SIM1: variants seen among roughly 807,000 people sequenced by gnomAD.
SIM1 encodes the protein SIM bHLH transcription factor 1, also known as single-minded homolog 1.
Under a neutral mutation model 78.2 loss-of-function variants are expected in SIM1, and 18 were observed. The ratio of observed to expected loss-of-function variants is 0.23; its 90% CI spans 0.16 to 0.34. SIM1 has a LOEUF of 0.34. SIM1 is among the 10% of genes least tolerant of loss of function. The pLI, the probability that SIM1 is intolerant of heterozygous loss-of-function variation, is 1.00. For synonymous variants in SIM1, 417 were observed against 385.2 expected (o/e 1.08, Z -0.97); for missense variants, 939 against 975.1 (o/e 0.96, Z 0.49).
chr6:100,398,967 A>ATGT (rs1439327171), intron 10 of SIM1, among the ~76,000 whole-genome samples: 1,570 of 142,552 alleles, frequency 0.011, 31 homozygotes, highest in African/African-American at 0.041. Context: ...GTGTATGTGT[A>ATGT]GTAGTAGTAG....
chr6:100,432,726 T>C (rs1771935254), intron 9 of SIM1, among the ~76,000 whole-genome samples: 1 of 152,170 alleles, frequency 6.6e-6, no homozygotes, highest in South Asian at 2.1e-4. Flanking sequence ...GGGGATCTCA[T>C]CCACTCTGCT....
chr6:100,428,417 G>T (rs1318409884), intron 9 of SIM1, among the ~76,000 whole-genome samples: 1 of 152,154 alleles, frequency 6.6e-6, no homozygotes, highest in African/African-American at 2.4e-5. Flanking sequence ...TGCACAAATT[G>T]CTGAGAAACA....
At chr6:100,443,574 G>A (rs1772271052) in intron 9 of SIM1, among the ~76,000 whole-genome samples, 1 of 152,038 alleles carries the variant, frequency 6.6e-6, no homozygotes, top group Non-Finnish European at 1.5e-5. Context: ...CAGCCTAATT[G>A]AGATCATACA....
chr6:100,452,847 C>T (rs1019535398), intron 3 of SIM1, among the ~76,000 whole-genome samples: 1 of 152,140 alleles, frequency 6.6e-6, no homozygotes, highest in African/African-American at 2.4e-5. Context: ...AAACTAAAAT[C>T]TTCTTGGTGT....
intron 2 of SIM1, among the ~76,000 whole-genome samples, chr6:100,457,151 G>A (rs140214304): frequency 6.6e-6 from 1 of 152,172 alleles, no homozygotes; most frequent in Non-Finnish European, 1.5e-5. Context: ...TTACAGACCC[G>A]ACATCATCAC....
chr6:100,419,859 C>T (rs1328656480), intron 10 of SIM1, among the ~76,000 whole-genome samples: 1 of 152,118 alleles, frequency 6.6e-6, no homozygotes, highest in Non-Finnish European at 1.5e-5. Flanking sequence ...CCAGGCTGGT[C>T]TTGAACTCCT....
intron 10 of SIM1, among the ~76,000 whole-genome samples, chr6:100,397,970 G>A (rs949549744): frequency 6.6e-6 from 1 of 151,990 alleles, no homozygotes; most frequent in East Asian, 1.9e-4. Flanking sequence ...GAAATATCAC[G>A]ATACACCTAT....
At position 100,390,390 on chromosome 6, in the gene SIM1, T is replaced by A; in HGVS notation, c.2272A>T (p.Thr758Ser). The A allele has an allele frequency of 1.2e-6, 2 of 1,613,876 alleles. No homozygotes were observed. Among genetic ancestry groups the A allele is most frequent in the Non-Finnish European group, 1.7e-6 (2 of 1,179,916 alleles). ...CTTCCGTTGGTTATTATAACAGATG[T>A]TCCCTTGTGTCCTTGTGCTGGGTCT... is the stretch of plus-strand genomic sequence containing the variant. ...QPDPAQGHKG[T>S]SVIITNGS The change falls in exon 12 of 12, where the codon ACA becomes TCA. Residue 758 changes from threonine to serine, a missense_variant. Transcript: ENST00000369208.
rs1554220854 is a variant in SIM1, at chr6:100,412,619, A to AG, written c.1167+8170dup. Among the ~76,000 whole-genome samples the AG allele has an allele frequency of 6.8e-4, 71 of 103,706 alleles. 3 individuals are homozygous for AG. The highest frequency in any genetic ancestry group is 1.6e-3 in the African/African-American group (48 of 29,390). 68.0% of individuals were successfully genotyped at this position (103,706 alleles called of 152,430 possible). A position where few individuals can be genotyped will look rare whatever the true frequency, so the allele number is the denominator to read the frequency against. On this transcript the variant is annotated intron_variant, in intron 10 of 11. Transcript: ENST00000369208. The stretch of plus-strand genomic sequence containing the variant: ...AGAAAGAAAGAAAGAAAGGAAAGAA[A>AG]GAAGGAAAGAAAGAAAGAAAAGAAA...
At chr6:100,402,108 A>T (rs912086776) in intron 10 of SIM1, among the ~76,000 whole-genome samples, 7 of 152,222 alleles carry the variant, frequency 4.6e-5, no homozygotes, top group African/African-American at 1.7e-4. Flanking sequence ...AGCACTAAAA[A>T]ATACAAATGG....
intron 2 of SIM1, among the ~76,000 whole-genome samples, chr6:100,454,816 G>A (rs1320784507): frequency 6.6e-6 from 1 of 151,996 alleles, no homozygotes; most frequent in Non-Finnish European, 1.5e-5. Context: ...ACCCTTTTGC[G>A]GAAAGAAAAA....
intron 9 of SIM1, among the ~76,000 whole-genome samples, chr6:100,439,584 T>C (rs969477010): frequency 6.6e-6 from 1 of 152,180 alleles, no homozygotes; most frequent in Non-Finnish European, 1.5e-5. Context: ...TGTGAAACAC[T>C]GGTATACAGC....
chr6:100,407,280 T>C (rs1460271371), intron 10 of SIM1, among the ~76,000 whole-genome samples: 1 of 152,178 alleles, frequency 6.6e-6, no homozygotes, highest in Non-Finnish European at 1.5e-5. Context: ...TTTACTTTGT[T>C]GCAAATGGCA....
rs1309023514 is a variant in SIM1 at position 100,453,765 on chromosome 6, G to A, written c.255C>T (p.Leu85=). The change falls in exon 3 of 12, where the codon CTC becomes CTT. Residue 85 remains leucine, a synonymous_variant. Coordinates refer to ENST00000369208, the MANE Select transcript of SIM1 (RefSeq NM_005068.3). ...GCCGGAAGACCTGCACCTGTACCTGGAGCAGATGGGAGCCCAGTTCTCGGC... is the reference window on the plus strand; with the variant it reads ...GCCGGAAGACCTGCACCTGTACCTGAAGCAGATGGGAGCCCAGTTCTCGGC... ...NVGRELGSHL[L]QTLDGFIFVV... The A allele has an allele frequency of 6.2e-7, 1 of 1,610,798 alleles. No homozygotes were observed. Among genetic ancestry groups the A allele is most frequent in the Non-Finnish European group, 8.5e-7 (1 of 1,178,402 alleles).
rs373542322 is a variant in SIM1 at position 100,447,370 on chromosome 6, G to T, written c.896C>A (p.Ala299Glu). 8.7e-6 allele frequency: 14 copies of T among 1,614,212 alleles called. No individual in the cohort carries two copies. Among genetic ancestry groups the T allele is most frequent in the African/African-American group, 1.3e-5 (1 of 75,060 alleles). Residue 299 changes from alanine (A) to glutamate (E), a missense_variant, in exon 9 of 12, where the codon GCG becomes GAG. This residue lies in a region of SIM1 where 66 missense variants were observed against 108.4 expected (regional missense o/e 0.61). Transcript: ENST00000369208. ...CACCCATACCCAGCCGCCGTGTTTC[G>T]CCAGGAACCTGTAGTACTTGGTGGT... is the stretch of plus-strand genomic sequence containing the variant. Reference protein sequence around the residue: ...QVTTKYYRFLAKHGGWVWVQS... With the variant: ...QVTTKYYRFLEKHGGWVWVQS...
At chr6:100,423,070 T>C (rs918650282) in intron 9 of SIM1, among the ~76,000 whole-genome samples, 1 of 152,232 alleles carries the variant, frequency 6.6e-6, no homozygotes, top group Admixed American at 6.5e-5. Flanking sequence ...CTTTCAGGCT[T>C]GGGAAGTCCG....
At chr6:100,456,359 C>G (rs1178504945) in intron 2 of SIM1, among the ~76,000 whole-genome samples, 1 of 152,208 alleles carries the variant, frequency 6.6e-6, no homozygotes, top group Non-Finnish European at 1.5e-5. Flanking sequence ...GATTTCGTTT[C>G]TGCACTTGAC....
intron 11 of SIM1, among the ~76,000 whole-genome samples, chr6:100,393,169 A>T (rs1171683425): frequency 6.6e-6 from 1 of 152,224 alleles, no homozygotes; most frequent in Non-Finnish European, 1.5e-5. Flanking sequence ...GCACGAAAAT[A>T]CAAAAGAAAA....
intron 9 of SIM1, among the ~76,000 whole-genome samples, chr6:100,435,057 T>G (rs908908731): frequency 6.6e-6 from 1 of 152,200 alleles, no homozygotes; most frequent in African/African-American, 2.4e-5. Context: ...TGTTGTTTTG[T>G]GAAAACATCA....
Sources: gnomAD v4.1 joint callset for allele counts (sites outside exome capture counted in the v4.1 genomes callset) on GRCh38, gnomAD v4.1.1 for gene constraint, gnomAD v4.1.1 regional missense constraint, MANE v1.5 for transcripts, NCBI Gene and HGNC (gene_info 2026-07-23, HGNC 2026-07-21) for gene names.